Variants in NUP54 observed in about 807,000 individuals in gnomAD.
NUP54 encodes nucleoporin p54.
In NUP54, 27 loss-of-function variants were observed where a neutral mutation model predicts 66.4. That is an observed-to-expected ratio of 0.41 (90% CI 0.30 to 0.56). NUP54 has a LOEUF of 0.56. NUP54 is among the 20% of genes least tolerant of loss of function. The pLI is 0.34. For missense variants in NUP54, 486 were observed against 596.3 expected, an observed-to-expected ratio of 0.82 and a Z score of 1.93; for synonymous variants, 206 against 210.7, an observed-to-expected ratio of 0.98 and a Z score of 0.19.
chr4:76,117,893 A>G, intron 10 of NUP54, 119 bp from the exon 11 acceptor site: 2 of 1,001,726 alleles, frequency 2.0e-6, no homozygotes, highest in Non-Finnish European at 3.0e-6. Context: ...CTCTCTCTGT[A>G]CATTATATTC....
intron 9 of NUP54, among the ~76,000 whole-genome samples, chr4:76,122,422 T>G (rs1267642449): frequency 6.6e-6 from 1 of 152,198 alleles, no homozygotes; most frequent in Non-Finnish European, 1.5e-5. Flanking sequence ...GTCACACTTC[T>G]CTCTTCATCT....
At chr4:76,129,525 G>C (rs1053183764) in intron 8 of NUP54, among the ~76,000 whole-genome samples, 3 of 152,064 alleles carry the variant, frequency 2.0e-5, no homozygotes, top group African/African-American at 7.2e-5. Context: ...TTCACCCAAG[G>C]ACTGCAGAAT....
chr4:76,123,784 G>T lies in NUP54; in HGVS notation c.1164+865C>A, dbSNP rs563072948. The stretch of plus-strand genomic sequence containing the variant: ...TCACCTCGGCCTCCCAAAGTTCTAG[G>T]ATTACAAGAGTGAGACACTGTGCCC... On this transcript the variant is annotated intron_variant, in intron 9 of 11. Transcript: ENST00000264883. Among the ~76,000 whole-genome samples the T allele has an allele frequency of 2.6e-5, 4 of 152,242 alleles. No individual in the cohort carries two copies. In the East Asian group the frequency reaches 5.8e-4, roughly 22 times the overall value.
At position 76,144,181 on chromosome 4, in the gene NUP54, C is replaced by G; in HGVS notation, c.263G>C (p.Gly88Ala). The G allele has an allele frequency of 6.2e-7, 1 of 1,614,126 alleles. No homozygotes were observed. Among genetic ancestry groups the G allele is most frequent in the Non-Finnish European group, 8.5e-7 (1 of 1,179,996 alleles). ...CTGCTGCTGCTGTGTATTAAATCCTCCAAATCCCAGTCCAGTTCCCAAACC... is the reference window on the plus strand; with the variant it reads ...CTGCTGCTGCTGTGTATTAAATCCTGCAAATCCCAGTCCAGTTCCCAAACC... ...GTGLGTGLGF[G>A]GFNTQQQQQT... Residue 88 changes from glycine to alanine, a missense_variant, in exon 3 of 12, where the codon GGA becomes GCA. Coordinates refer to ENST00000264883, the MANE Select transcript of NUP54 (RefSeq NM_017426.4).
intron 8 of NUP54, among the ~76,000 whole-genome samples, chr4:76,126,131 G>A (rs1338783314): frequency 1.3e-5 from 2 of 152,172 alleles, no homozygotes; most frequent in Non-Finnish European, 1.5e-5. Context: ...AGAGTGCAGA[G>A]GAAAAGGAAT....
At chr4:76,143,115 T>C (rs1217978141) in intron 3 of NUP54, among the ~76,000 whole-genome samples, 1 of 151,258 alleles carries the variant, frequency 6.6e-6, no homozygotes, top group African/African-American at 2.4e-5. Flanking sequence ...TGATAAAAAA[T>C]AGGCCTATAA....
At chr4:76,117,876 T>C in intron 10 of NUP54, 102 bp from the exon 11 acceptor site, 1 of 1,052,070 alleles carries the variant, frequency 9.5e-7, no homozygotes, top group Admixed American at 2.1e-5. Flanking sequence ...ATTAAAAATT[T>C]CTATTTCTCT....
chr4:76,125,316 TCACA>T (rs34954421), intron 8 of NUP54, among the ~76,000 whole-genome samples: 7,221 of 125,216 alleles, frequency 0.058, 299 homozygotes, highest in African/African-American at 0.12. Flanking sequence ...TGAGACTCCA[TCACA>T]CACACACACA....
At chr4:76,118,463 CCTT>C (rs1730058178) in intron 9 of NUP54, 2 of 295,182 alleles carry the variant, frequency 6.8e-6, no homozygotes, top group African/African-American at 2.3e-5. Context: ...ACAGCTCACT[CCTT>C]GACCTCTGTG....
intron 2 of NUP54, 23 bp from the exon 3 acceptor site, chr4:76,144,315 T>G (rs1176742731): frequency 6.4e-7 from 1 of 1,561,680 alleles, no homozygotes; most frequent in African/African-American, 1.6e-5. Context: ...AATTGGAACT[T>G]CGTAAGTTAA....
intron 3 of NUP54, among the ~76,000 whole-genome samples, chr4:76,138,298 C>T (rs567982956): frequency 1.1e-4 from 17 of 152,124 alleles, no homozygotes; most frequent in East Asian, 9.7e-4. Flanking sequence ...ATCTCTATAC[C>T]GAGACATATG....
intron 9 of NUP54, among the ~76,000 whole-genome samples, chr4:76,123,581 C>T (rs1278212283): frequency 1.3e-5 from 2 of 151,824 alleles, no homozygotes; most frequent in Non-Finnish European, 2.9e-5. Context: ...GGCGTGATCT[C>T]GGCTCACTGC....
chr4:76,141,015 G>A (rs6850228), intron 3 of NUP54, among the ~76,000 whole-genome samples: 53,094 of 152,134 alleles, frequency 0.35, 10,383 homozygotes, highest in East Asian at 0.55. Context: ...AAGGATCCTC[G>A]ATAATCCATG....
At chr4:76,115,551 A>C in intron 11 of NUP54, 57 bp from the exon 12 acceptor site, 2 of 1,423,858 alleles carry the variant, frequency 1.4e-6, no homozygotes, top group East Asian at 5.1e-5. Flanking sequence ...ACTGCAAGCT[A>C]GTCACAGGAA....
At chr4:76,147,384 A>T in intron 1 of NUP54, 1 of 756,734 alleles carries the variant, frequency 1.3e-6, no homozygotes, top group Non-Finnish European at 1.8e-6. Flanking sequence ...TTTCCCTATT[A>T]GACAAGTAAC....
chr4:76,131,184 T>C (rs1359498068), intron 7 of NUP54, 46 bp downstream of exon 7: 5 of 1,137,536 alleles, frequency 4.4e-6, no homozygotes, highest in Middle Eastern at 2.0e-4. Flanking sequence ...GCTTTCCTAG[T>C]AGCAAATATT....
chr4:76,145,516 C>CT (rs905931310), intron 1 of NUP54: 2 of 1,166,944 alleles, frequency 1.7e-6, no homozygotes, highest in African/African-American at 1.6e-5. Context: ...TCTGTCAAGA[C>CT]TAAGTAACTT....
At chr4:76,141,836 T>A (rs889584956) in intron 3 of NUP54, among the ~76,000 whole-genome samples, 1 of 152,144 alleles carries the variant, frequency 6.6e-6, no homozygotes, top group African/African-American at 2.4e-5. Flanking sequence ...ATAATCCAAT[T>A]CATATCTATC....
intron 11 of NUP54, among the ~76,000 whole-genome samples, chr4:76,117,145 G>A (rs1729984396): frequency 6.6e-6 from 1 of 151,990 alleles, no homozygotes; most frequent in African/African-American, 2.4e-5. Flanking sequence ...TGGACTACTA[G>A]GTACTTTTCA....
Sources: gnomAD v4.1 joint callset for allele counts (sites outside exome capture counted in the v4.1 genomes callset) on GRCh38, gnomAD v4.1.1 for gene constraint, MANE v1.5 for transcripts, NCBI Gene and HGNC (gene_info 2026-07-23, HGNC 2026-07-21) for gene names.